Variants in HDLBP observed in about 807,000 individuals in gnomAD.
HDLBP encodes the protein vigilin.
Under a neutral mutation model 137.3 loss-of-function variants are expected in HDLBP, and 30 were observed. The ratio of observed to expected loss-of-function variants is 0.22; its 90% CI spans 0.16 to 0.30. HDLBP has a LOEUF of 0.30. Among genes scored for constraint, HDLBP ranks in the 10% least tolerant of loss-of-function variants. HDLBP has a pLI of 1.00. For synonymous variants in HDLBP, 606 were observed against 596.0 expected, an observed-to-expected ratio of 1.02 and a Z score of -0.24; for missense variants, 1,119 against 1,667.3, an observed-to-expected ratio of 0.67 and a Z score of 5.73.
intron 17 of HDLBP, 80 bp downstream of exon 17, chr2:241,242,380 G>A: frequency 5.1e-6 from 6 of 1,187,378 alleles, no homozygotes; most frequent in South Asian, 3.9e-5. Context: ...GGCATTCAGG[G>A]GTTTCCACAG....
chr2:241,251,319 A>G (rs2072139854), intron 11 of HDLBP, among the ~76,000 whole-genome samples: 4 of 152,232 alleles, frequency 2.6e-5, no homozygotes, highest in Admixed American at 2.6e-4. Flanking sequence ...TTTATGGTGT[A>G]TGTGTGGTTC....
Position 241,236,474 on chromosome 2 carries a change from C to T in HDLBP, c.2904+141G>A, listed in dbSNP as rs146934988. 3.5e-4 allele frequency: 281 copies of T among 813,596 alleles called. 1 individual carries two copies. The highest frequency in any genetic ancestry group is 1.8e-3 in the Middle Eastern group (5 of 2,756). 50.4% of individuals were successfully genotyped at this position (813,596 alleles called of 1,614,324 possible). ...GTCCAGCCGAGAAGCACAGCCCGTG[C>T]GCACACGGTAGGAGCAAGAGGGCTA... On this transcript the variant is annotated intron_variant, in intron 21 of 27. Coordinates refer to ENST00000310931, the MANE Select transcript of HDLBP (RefSeq NM_005336.6).
chr2:241,254,840 C>G (rs908162023), intron 9 of HDLBP, among the ~76,000 whole-genome samples: 4 of 152,108 alleles, frequency 2.6e-5, no homozygotes, highest in African/African-American at 9.7e-5. Context: ...TGGTTAAAGG[C>G]CAGAAGGATG....
At chr2:241,229,783 T>TGGCC in intron 27 of HDLBP, 50 bp downstream of exon 27, 1 of 1,524,630 alleles carries the variant, frequency 6.6e-7, no homozygotes, top group Non-Finnish European at 9.0e-7. Flanking sequence ...CAAGCCCGCC[T>TGGCC]GCCCGCCCAC....
Position 241,253,377 on chromosome 2 carries a change from C to T in HDLBP, c.1293+16G>A, listed in dbSNP as rs1384910652. The T allele has an allele frequency of 6.5e-7, 1 of 1,546,508 alleles. No homozygotes were observed. The highest frequency in any genetic ancestry group is 8.9e-7 in the Non-Finnish European group (1 of 1,117,894). Reference sequence around the variant, plus strand: ...CCTTGTCACCAGCACACACAACATTCCAAGGGGTACCTTACCAAATCTTTG... The same window carrying T: ...CCTTGTCACCAGCACACACAACATTTCAAGGGGTACCTTACCAAATCTTTG... On this transcript the variant is annotated intron_variant, in intron 10 of 27. Coordinates refer to ENST00000310931, the MANE Select transcript of HDLBP (RefSeq NM_005336.6).
At position 241,272,861 on chromosome 2, in the gene HDLBP, T is replaced by G; in HGVS notation, c.-102-4320A>C. The stretch of plus-strand genomic sequence containing the variant: ...CGCGGCGCCCGGGCCCCGGCTGCTA[T>G]ATAGGGCGGCGGCCCAATCCCGCCT... On this transcript the variant is annotated intron_variant, in intron 1 of 27. Transcript: ENST00000310931. This position sits in a 1 kb window ranked among gnomAD's most constrained non-coding sequence, Gnocchi z 5.6. 3.2e-6 allele frequency: 1 copy of G among 315,404 alleles called. No homozygotes were observed. The highest frequency in any genetic ancestry group is 4.6e-6 in the Non-Finnish European group (1 of 217,968). The allele number at this position is 315,404 out of a possible 1,614,324, so 19.5% of individuals were successfully genotyped here.
At chr2:241,284,926 G>A (rs974634004) in intron 1 of HDLBP, among the ~76,000 whole-genome samples, 6 of 152,174 alleles carry the variant, frequency 3.9e-5, no homozygotes, top group Non-Finnish European at 5.9e-5. Flanking sequence ...CCAGACTGGA[G>A]TGCAGTGGCA....
chr2:241,264,364 AAAAAAAAAAAAG>A (rs1442079629), intron 4 of HDLBP, 72 bp downstream of exon 4: 3 of 1,019,084 alleles, frequency 2.9e-6, no homozygotes, highest in Non-Finnish European at 4.2e-6. Flanking sequence ...TCTGTCTCAA[AAAAAAAAAAAAG>A]AAAAAAAATT....
chr2:241,289,255 C>T (rs988394108), intron 1 of HDLBP, among the ~76,000 whole-genome samples: 1 of 152,192 alleles, frequency 6.6e-6, no homozygotes, highest in Non-Finnish European at 1.5e-5. Flanking sequence ...GGCACATCAC[C>T]CTCTTCACTT....
At chr2:241,310,084 A>G (rs62186422) in intron 1 of HDLBP, among the ~76,000 whole-genome samples, 17,421 of 152,302 alleles carry the variant, frequency 0.11, 1,236 homozygotes, top group Admixed American at 0.16. Context: ...AGCAGCCTCA[A>G]TAGTGACTTA....
intron 1 of HDLBP, among the ~76,000 whole-genome samples, chr2:241,283,200 ACT>A (rs1223036107): frequency 2.6e-5 from 4 of 152,184 alleles, no homozygotes; most frequent in Non-Finnish European, 4.4e-5. Flanking sequence ...CAAGGCCCTA[ACT>A]CTCTTTAATT....
In HDLBP at chr2:241,246,887, C is replaced by G; in HGVS notation, c.1819-4G>C. 2 of 1,614,112 alleles carry G rather than the reference C, an allele frequency of 1.2e-6. No homozygotes were observed. The highest frequency in any genetic ancestry group is 3.3e-5 in the Admixed American group (2 of 60,034). On this transcript the variant is annotated splice_polypyrimidine_tract_variant and splice_region_variant and intron_variant, in intron 15 of 27. Coordinates refer to ENST00000310931, the MANE Select transcript of HDLBP (RefSeq NM_005336.6). ...TGGTGTTGCTTTCTTCACGAATCTACAGGGAGAGAGATCACCATGAGAAGC... is the reference window on the plus strand; with the variant it reads ...TGGTGTTGCTTTCTTCACGAATCTAGAGGGAGAGAGATCACCATGAGAAGC...
chr2:241,246,277 G>A (rs1269602019), intron 16 of HDLBP, among the ~76,000 whole-genome samples: 1 of 152,092 alleles, frequency 6.6e-6, no homozygotes, highest in Non-Finnish European at 1.5e-5. Flanking sequence ...GTGGGGGTGG[G>A]GGGAGTGTGG....
Position 241,230,411 on chromosome 2 carries a change from C to A in HDLBP, c.3475-142G>T, listed in dbSNP as rs2069600538. The A allele has an allele frequency of 1.6e-6, 1 of 631,070 alleles. No homozygotes were observed. Among genetic ancestry groups the A allele is most frequent in the South Asian group, 2.0e-5 (1 of 50,976 alleles). 39.1% of individuals were successfully genotyped at this position (631,070 alleles called of 1,614,324 possible). A position where few individuals can be genotyped will look rare whatever the true frequency, so the allele number is the denominator to read the frequency against. On this transcript the variant is annotated intron_variant, in intron 25 of 27. Transcript: ENST00000310931. This position sits in a 1 kb window ranked among gnomAD's most constrained non-coding sequence, Gnocchi z 5.0. ...TCAGAGTTGTTCTGAAGTCAGTCAG[C>A]CTCATCACCACACCAAGTTAGGTGT...
Position 241,238,645 on chromosome 2 carries a change from C to A in HDLBP, c.2749+4G>T. ...AAGCAGAGCAGGGCTAATGGGGGAC[C>A]CACCTGCGTTCTCCTCTCTGTCTGG... On this transcript the variant is annotated splice_donor_region_variant and intron_variant, in intron 20 of 27. Coordinates refer to ENST00000310931, the MANE Select transcript of HDLBP (RefSeq NM_005336.6). The surrounding 1 kb of genome is among the most constrained non-coding windows in gnomAD (Gnocchi z 4.9). 1 of 1,553,502 alleles carries A rather than the reference C, an allele frequency of 6.4e-7. No individual in the cohort carries two copies. The highest frequency in any genetic ancestry group is 8.8e-7 in the Non-Finnish European group (1 of 1,141,780).
At chr2:241,290,693 A>T (rs2074987339) in intron 1 of HDLBP, among the ~76,000 whole-genome samples, 1 of 152,234 alleles carries the variant, frequency 6.6e-6, no homozygotes, top group Non-Finnish European at 1.5e-5. Flanking sequence ...TATATGAGTG[A>T]GTTCAGTTAG....
In HDLBP at chr2:241,238,490, A is replaced by C; in HGVS notation, c.2749+159T>G. On this transcript the variant is annotated intron_variant, in intron 20 of 27. Coordinates refer to ENST00000310931, the MANE Select transcript of HDLBP (RefSeq NM_005336.6). This position sits in a 1 kb window ranked among gnomAD's most constrained non-coding sequence, Gnocchi z 4.9. ...GTAACTGACGTGGTCCATCTTTTAAAGGCCAGGGAGTGACCCTGAACCTCT... is the reference window on the plus strand; with the variant it reads ...GTAACTGACGTGGTCCATCTTTTAACGGCCAGGGAGTGACCCTGAACCTCT... 1.9e-6 allele frequency: 1 copy of C among 525,490 alleles called. No homozygotes were observed. Among genetic ancestry groups the C allele is most frequent in the Non-Finnish European group, 3.2e-6 (1 of 310,356 alleles). The allele number at this position is 525,490 out of a possible 1,614,324, so 32.6% of individuals were successfully genotyped here.
intron 16 of HDLBP, 123 bp from the exon 17 acceptor site, chr2:241,242,801 CT>C: frequency 2.4e-6 from 2 of 840,724 alleles, no homozygotes; most frequent in Non-Finnish European, 3.8e-6. Context: ...GGAGATGCCA[CT>C]TACAAGCACT....
chr2:241,297,769 G>A (rs1445311326), intron 1 of HDLBP, among the ~76,000 whole-genome samples: 1 of 152,048 alleles, frequency 6.6e-6, no homozygotes, highest in Admixed American at 6.6e-5. Context: ...AGAGAATAAT[G>A]AGGACATATC....
Sources: gnomAD v4.1 joint callset for allele counts (sites outside exome capture counted in the v4.1 genomes callset) on GRCh38, gnomAD v4.1.1 for gene constraint, Gnocchi (gnomAD v3.1) non-coding constraint, MANE v1.5 for transcripts, NCBI Gene and HGNC (gene_info 2026-07-23, HGNC 2026-07-21) for gene names.